CPSF3: variants seen among roughly 807,000 people sequenced by gnomAD.
CPSF3 encodes the protein cleavage and polyadenylation specificity factor subunit 3.
A neutral mutation model predicts 84.1 loss-of-function variants in CPSF3; 57 were observed. That is an observed-to-expected ratio of 0.68 (90% CI 0.55 to 0.85). CPSF3 has a LOEUF of 0.85. CPSF3 is among the 40% of genes least tolerant of loss of function. The probability of loss-of-function intolerance (pLI) is 0.00; values close to 1 mark genes in which losing one functional copy is unlikely to be tolerated. For missense variants in CPSF3, 522 were observed against 838.8 expected (o/e 0.62, Z 4.66); for synonymous variants, 275 against 278.1 (o/e 0.99, Z 0.11).
At chr2:9,442,245 C>T (rs1199355670) in intron 9 of CPSF3, among the ~76,000 whole-genome samples, 1 of 152,084 alleles carries the variant, frequency 6.6e-6, no homozygotes, top group Non-Finnish European at 1.5e-5. Flanking sequence ...TGGACAGGAA[C>T]CTGTTTGAGA....
At chr2:9,428,896 A>C in intron 2 of CPSF3, 68 bp downstream of exon 2, 1 of 917,820 alleles carries the variant, frequency 1.1e-6, no homozygotes, top group East Asian at 2.4e-5. Flanking sequence ...GTCTTTTCTC[A>C]TAGACTAGTT....
At chr2:9,440,733 G>A (rs560489488) in intron 8 of CPSF3, 67 bp downstream of exon 8, 146 of 1,493,068 alleles carry the variant, frequency 9.8e-5, no homozygotes, top group Non-Finnish European at 1.3e-4. Flanking sequence ...TAGGAGGTAC[G>A]AGGCCGTGAG....
At chr2:9,443,381 A>G (rs897213838) in intron 9 of CPSF3, 134 bp from the exon 10 acceptor site, 3 of 765,822 alleles carry the variant, frequency 3.9e-6, no homozygotes, top group African/African-American at 3.5e-5. Context: ...TTACTGAGTC[A>G]GTTATATTAG....
intron 17 of CPSF3, among the ~76,000 whole-genome samples, chr2:9,472,015 A>AAG (rs948026950): frequency 2.7e-5 from 4 of 149,928 alleles, no homozygotes; most frequent in African/African-American, 9.8e-5. Flanking sequence ...CCAAAAAAAA[A>AAG]AAAAAAAAGA....
chr2:9,472,893 T>C, intron 17 of CPSF3, 23 bp from the exon 18 acceptor site: 1 of 1,417,612 alleles, frequency 7.1e-7, no homozygotes, highest in Non-Finnish European at 1.0e-6. Context: ...ATTCTAACAG[T>C]CTTGTTTGTG....
Position 9,456,987 on chromosome 2 carries a change from A to T in CPSF3, c.1658A>T (p.Asn553Ile). The change falls in exon 14 of 18, where the codon AAT (asparagine) becomes ATT (isoleucine). Residue 553 changes from asparagine to isoleucine, a missense_variant. Asn to Ile is a moderately radical substitution (Grantham distance 149, BLOSUM62 -3). Transcript: ENST00000238112. ...QEKPALKVFK[N>I]ITVIQEPGMV... is the part of the protein sequence containing the mutation. ...AAACCTGCTCTGAAAGTGTTCAAAA[A>T]TATTACTGTAATACAAGAACCAGGC... 6.2e-7 allele frequency: 1 copy of T among 1,603,848 alleles called. No individual in the cohort carries two copies. Among genetic ancestry groups the T allele is most frequent in the Non-Finnish European group, 8.5e-7 (1 of 1,174,354 alleles).
intron 15 of CPSF3, among the ~76,000 whole-genome samples, chr2:9,466,362 ACGCACACACCCACGCACT>A (rs1443590026): frequency 3.5e-5 from 5 of 144,116 alleles, no homozygotes; most frequent in Admixed American, 1.4e-4. Flanking sequence ...GCACACACAC[ACGCACACACCCACGCACT>A]CGCACACACG....
Position 9,423,805 on chromosome 2 carries a change from A to T in CPSF3, c.32A>T (p.Gln11Leu). 6.2e-7 allele frequency: 1 copy of T among 1,613,606 alleles called. No homozygotes were observed. The highest frequency in any genetic ancestry group is 8.5e-7 in the Non-Finnish European group (1 of 1,179,816). Reference sequence around the variant, plus strand: ...GCGATTCCTGCTGAGGAGAGCGACCAGCTGCTGATCCGACCCCTGTAAGGG... The same window carrying T: ...GCGATTCCTGCTGAGGAGAGCGACCTGCTGCTGATCCGACCCCTGTAAGGG... MSAIPAEESD[Q>L]LLIRPLGAGQ... The change falls in exon 1 of 18, where the codon CAG (glutamine) becomes CTG (leucine). Residue 11 changes from glutamine (Q) to leucine (L), a missense_variant. Physicochemically the swap from Gln to Leu is moderately radical, Grantham distance 113 (BLOSUM62 -2). Transcript: ENST00000238112.
At chr2:9,469,103 G>A (rs1040840462) in intron 16 of CPSF3, among the ~76,000 whole-genome samples, 3 of 152,136 alleles carry the variant, frequency 2.0e-5, no homozygotes, top group African/African-American at 4.8e-5. Flanking sequence ...TACCATGGCC[G>A]TTGAAAAGGC....
chr2:9,472,319 C>CA lies in CPSF3; in HGVS notation c.1954-580dup, dbSNP rs35266408. Among the ~76,000 whole-genome samples the CA allele has an allele frequency of 2.1e-3, 240 of 115,798 alleles. No individual in the cohort carries two copies. In the East Asian group the frequency reaches 0.023, roughly 11 times the overall value. The allele number at this position is 115,798 out of a possible 152,430, so 76.0% of individuals were successfully genotyped here. A position where few individuals can be genotyped will look rare whatever the true frequency, so the allele number is the denominator to read the frequency against. On this transcript the variant is annotated intron_variant, in intron 17 of 17. Transcript: ENST00000238112. ...TGGGCGACAGAGCGAGATTCTGTCTCAAAAAAAAAAAAAAAAAGAAGCAAC... is the reference window on the plus strand; with the variant it reads ...TGGGCGACAGAGCGAGATTCTGTCTCAAAAAAAAAAAAAAAAAAGAAGCAAC...
intron 6 of CPSF3, among the ~76,000 whole-genome samples, chr2:9,435,153 T>A (rs559333021): frequency 6.6e-6 from 1 of 152,350 alleles, no homozygotes; most frequent in Admixed American, 6.5e-5. Context: ...ACATCTGGGC[T>A]GGGGTCTGAG....
Position 9,455,673 on chromosome 2 carries a change from G to A in CPSF3, c.1519G>A (p.Ala507Thr). The A allele has an allele frequency of 1.2e-6, 2 of 1,613,494 alleles. No homozygotes were observed. Among genetic ancestry groups the A allele is most frequent in the Non-Finnish European group, 1.7e-6 (2 of 1,179,556 alleles). The change falls in exon 13 of 18, where the codon GCC (alanine) becomes ACC (threonine). Residue 507 changes from alanine to threonine, a missense_variant. Around this residue, in one of 2 missense-constraint regions of CPSF3, gnomAD observed 193 missense variants for 231.6 expected, o/e 0.83. Coordinates refer to ENST00000238112, the MANE Select transcript of CPSF3 (RefSeq NM_016207.4). Reference sequence around the variant, plus strand: ...TTTCTCTTCAGATTATACTGACCTGGCCATGAGCACGGTGAAGCAGACCCA... The same window carrying A: ...TTTCTCTTCAGATTATACTGACCTGACCATGAGCACGGTGAAGCAGACCCA... Reference protein sequence around the residue: ...PCDLSNYTDLAMSTVKQTQAI... With the variant: ...PCDLSNYTDLTMSTVKQTQAI...
chr2:9,456,894 G>T (rs1201926346), intron 13 of CPSF3, 39 bp from the exon 14 acceptor site: 1 of 1,234,000 alleles, frequency 8.1e-7, no homozygotes. Flanking sequence ...AAGATTATCA[G>T]AAAAGTATAT....
intron 11 of CPSF3, among the ~76,000 whole-genome samples, chr2:9,448,834 C>T (rs187385290): frequency 3.9e-5 from 6 of 152,132 alleles, no homozygotes; most frequent in South Asian, 2.1e-4. Context: ...GGATTACAGG[C>T]GTGAGCCACC....
At chr2:9,448,476 A>C in intron 11 of CPSF3, 126 bp downstream of exon 11, 3 of 762,948 alleles carry the variant, frequency 3.9e-6, no homozygotes, top group Non-Finnish European at 6.1e-6. Flanking sequence ...ACACTACAGG[A>C]ATTTTATCCT....
At chr2:9,432,775 T>A in intron 5 of CPSF3, 87 bp downstream of exon 5, 2 of 1,052,846 alleles carry the variant, frequency 1.9e-6, no homozygotes, top group Non-Finnish European at 2.5e-6. Flanking sequence ...AAAAATTCCC[T>A]AAGACTTGCA....
intron 1 of CPSF3, chr2:9,424,641 T>G (rs530560430): frequency 6.6e-6 from 1 of 152,394 alleles, no homozygotes; most frequent in South Asian, 2.1e-4. Flanking sequence ...GAGCACCTGC[T>G]TGGGACATAG....
At chr2:9,429,166 A>C (rs1680491638) in intron 2 of CPSF3, among the ~76,000 whole-genome samples, 1 of 152,206 alleles carries the variant, frequency 6.6e-6, no homozygotes, top group Non-Finnish European at 1.5e-5. Context: ...ACACACTGAG[A>C]GCTCTAGCCG....
At chr2:9,437,434 A>C (rs1292690733) in intron 7 of CPSF3, among the ~76,000 whole-genome samples, 1 of 152,094 alleles carries the variant, frequency 6.6e-6, no homozygotes, top group East Asian at 1.9e-4. Context: ...CAAAAAAAAA[A>C]CTATATGTAC....
Sources: gnomAD v4.1 joint callset for allele counts (sites outside exome capture counted in the v4.1 genomes callset) on GRCh38, gnomAD v4.1.1 for gene constraint, gnomAD v4.1.1 regional missense constraint, MANE v1.5 for transcripts, NCBI Gene and HGNC (gene_info 2026-07-23, HGNC 2026-07-21) for gene names.